ROBO1: variants seen among roughly 807,000 people sequenced by gnomAD.
ROBO1 encodes the protein roundabout guidance receptor 1, also known as roundabout homolog 1.
ROBO1 carries 149 observed loss-of-function variants against 195.9 expected under a neutral mutation model. The ratio of observed to expected loss-of-function variants is 0.76; its 90% CI spans 0.67 to 0.87. ROBO1 has a LOEUF of 0.87. Among genes scored for constraint, ROBO1 ranks in the 40% least tolerant of loss-of-function variants. The pLI, the probability that ROBO1 is intolerant of heterozygous loss-of-function variation, is 0.00. For missense variants in ROBO1, 1,933 were observed against 2,068.3 expected (o/e 0.93, Z 1.27); for synonymous variants, 816 against 733.2 (o/e 1.11, Z -1.82).
chr3:78,631,357 C>A, intron 24 of ROBO1, 52 bp from the exon 25 acceptor site: 1 of 1,550,142 alleles, frequency 6.5e-7, no homozygotes. Context: ...TAAACTTTTT[C>A]CATTAGTCAC....
At chr3:79,566,328 T>C (rs1943089565) in intron 2 of ROBO1, among the ~76,000 whole-genome samples, 1 of 152,126 alleles carries the variant, frequency 6.6e-6, no homozygotes. Context: ...TGGAAGAACA[T>C]TGTAAACAGG....
intron 2 of ROBO1, among the ~76,000 whole-genome samples, chr3:79,311,905 C>A (rs867390606): frequency 2.4e-4 from 36 of 152,176 alleles, no homozygotes; most frequent in African/African-American, 8.2e-4. Context: ...AAAAAGCCAC[C>A]TAAAAGTGTC....
intron 4 of ROBO1, among the ~76,000 whole-genome samples, chr3:78,920,590 C>T (rs554071666): frequency 3.3e-5 from 5 of 150,758 alleles, no homozygotes; most frequent in African/African-American, 1.2e-4. Context: ...CAGGCATGAG[C>T]CACCGTACCC....
At chr3:78,692,410 C>T (rs1054778620) in intron 8 of ROBO1, among the ~76,000 whole-genome samples, 6 of 151,974 alleles carry the variant, frequency 3.9e-5, no homozygotes, top group African/African-American at 9.7e-5. Context: ...GCTGGGATTA[C>T]AGGTGTGCGC....
intron 4 of ROBO1, among the ~76,000 whole-genome samples, chr3:78,785,361 GTC>G (rs1429225197): frequency 3.3e-5 from 5 of 152,132 alleles, no homozygotes; most frequent in African/African-American, 1.2e-4. Context: ...AAAGTGGACA[GTC>G]TCTCTTTGTC....
At chr3:79,094,734 G>T (rs906981262) in intron 3 of ROBO1, among the ~76,000 whole-genome samples, 2 of 152,026 alleles carry the variant, frequency 1.3e-5, no homozygotes, top group African/African-American at 4.8e-5. Flanking sequence ...TGAAAACTCT[G>T]ACTTTTGTGA....
At position 78,617,936 on chromosome 3, in the gene ROBO1, T is replaced by C; in HGVS notation, c.3981A>G (p.Pro1327=). Residue 1327 remains proline (P), a synonymous_variant, in exon 27 of 31, where the codon CCA becomes CCG. Coordinates refer to ENST00000464233, the MANE Select transcript of ROBO1 (RefSeq NM_002941.4). ...TGTCGGCTTCGTCTTCTTCCTCTTCTGGCGCATCCGTATCCATATCTGAGA... is the reference window on the plus strand; with the variant it reads ...TGTCGGCTTCGTCTTCTTCCTCTTCCGGCGCATCCGTATCCATATCTGAGA... ...PLVSDMDTDA[P]EEEEDEADME... is the part of the protein sequence containing the mutation. 6.2e-7 allele frequency: 1 copy of C among 1,613,984 alleles called. No individual in the cohort carries two copies. Among genetic ancestry groups the C allele is most frequent in the South Asian group, 1.1e-5 (1 of 91,082 alleles).
chr3:79,210,249 T>G (rs2081945525), intron 2 of ROBO1, among the ~76,000 whole-genome samples: 1 of 152,056 alleles, frequency 6.6e-6, no homozygotes, highest in African/African-American at 2.4e-5. Flanking sequence ...GGAAGCATCA[T>G]ATTACCTGAC....
intron 4 of ROBO1, among the ~76,000 whole-genome samples, chr3:78,797,121 C>T (rs1386897163): frequency 2.0e-5 from 3 of 152,180 alleles, no homozygotes; most frequent in African/African-American, 7.2e-5. Flanking sequence ...GGTGCCCCTT[C>T]TGTTGTGCTC....
intron 3 of ROBO1, among the ~76,000 whole-genome samples, chr3:79,024,729 T>TAA (rs1204029285): frequency 6.6e-6 from 1 of 152,234 alleles, no homozygotes; most frequent in African/African-American, 2.4e-5. Flanking sequence ...AGCATTTGAC[T>TAA]ACTGTGGTTA....
Position 79,299,179 on chromosome 3 carries a change from A to G in ROBO1, c.89-173640T>C, listed in dbSNP as rs1262187393. On this transcript the variant is annotated intron_variant, in intron 2 of 30. Coordinates refer to ENST00000464233, the MANE Select transcript of ROBO1 (RefSeq NM_002941.4). ...TCATGAAAAATGCCTAACATGAGGT[A>G]TATTGAAGTTTACATCGCATTTAGC... 2.6e-5 allele frequency among the ~76,000 whole-genome samples: 4 copies of G among 152,348 alleles called. No individual in the cohort carries two copies. The South Asian group carries it at 6.2e-4, about 24-fold the overall frequency.
intron 1 of ROBO1, among the ~76,000 whole-genome samples, chr3:79,725,741 G>C (rs934247894): frequency 6.6e-6 from 1 of 152,020 alleles, no homozygotes; most frequent in Non-Finnish European, 1.5e-5. Context: ...TATGTCTTCT[G>C]TAATCTGCAG....
At chr3:79,094,496 G>A (rs1309467848) in intron 3 of ROBO1, among the ~76,000 whole-genome samples, 1 of 152,034 alleles carries the variant, frequency 6.6e-6, no homozygotes, top group Non-Finnish European at 1.5e-5. Context: ...GCACATGGCA[G>A]GTCAAATTAG....
Position 79,492,425 on chromosome 3 carries a change from C to CAAAAAAAAA in ROBO1, c.88+97398_88+97399insTTTTTTTTT, listed in dbSNP as rs745481519. Among the ~76,000 whole-genome samples the CAAAAAAAAA allele has an allele frequency of 2.3e-5, 2 of 85,674 alleles. 1 individual carries two copies. 56.2% of individuals were successfully genotyped at this position (85,674 alleles called of 152,430 possible). A position where few individuals can be genotyped will look rare whatever the true frequency, so the allele number is the denominator to read the frequency against. ...GGGCAATAAGAGTGAGACTCTGTTT[C>CAAAAAAAAA]AGAAAAAAAAAAAAAAAAAAAGAGA... On this transcript the variant is annotated intron_variant, in intron 2 of 30. Transcript: ENST00000464233.
At chr3:79,063,510 C>CAAAAAAAAA (rs11441603) in intron 3 of ROBO1, among the ~76,000 whole-genome samples, 1 of 136,496 alleles carries the variant, frequency 7.3e-6, no homozygotes, top group African/African-American at 2.7e-5. Context: ...TTTCTCATTC[C>CAAAAAAAAA]AAAAAAAAAA....
chr3:78,686,285 G>A (rs937361703), intron 9 of ROBO1, among the ~76,000 whole-genome samples: 6 of 152,156 alleles, frequency 3.9e-5, no homozygotes, highest in South Asian at 4.2e-4. Context: ...GGCCGGGCGC[G>A]GTGGCTTACA....
intron 1 of ROBO1, among the ~76,000 whole-genome samples, chr3:79,662,438 T>C (rs1393630915): frequency 6.6e-6 from 1 of 152,098 alleles, no homozygotes; most frequent in African/African-American, 2.4e-5. Flanking sequence ...TTTTTGCTTT[T>C]ATTTTTTGCT....
chr3:79,149,928 T>C (rs1162296163), intron 2 of ROBO1, among the ~76,000 whole-genome samples: 1 of 151,774 alleles, frequency 6.6e-6, no homozygotes, highest in African/African-American at 2.4e-5. Flanking sequence ...TACTTTTCTC[T>C]TCCCCTTGTC....
chr3:79,418,942 G>T (rs1240561143), intron 2 of ROBO1, among the ~76,000 whole-genome samples: 2 of 152,150 alleles, frequency 1.3e-5, no homozygotes, highest in African/African-American at 2.4e-5. Flanking sequence ...GTCCCCATTT[G>T]TCAAGGATGA....
Sources: allele counts gnomAD v4.1 joint callset (sites outside exome capture counted in the v4.1 genomes callset), GRCh38; gene constraint gnomAD v4.1.1; transcripts MANE v1.5; gene names NCBI Gene and HGNC (gene_info 2026-07-23, HGNC 2026-07-21).